Variants in UBE2E2 observed in about 807,000 individuals in gnomAD.
The protein encoded by UBE2E2 is ubiquitin-conjugating enzyme E2 E2.
A neutral mutation model predicts 24.7 loss-of-function variants in UBE2E2; 6 were observed. The observed-to-expected ratio is 0.24, with a 90% CI of 0.13 to 0.48. UBE2E2 has a LOEUF of 0.48. UBE2E2 is among the 20% of genes least tolerant of loss of function. The pLI, the probability that UBE2E2 is intolerant of heterozygous loss-of-function variation, is 0.99. For missense variants in UBE2E2, 169 were observed against 245.0 expected, an observed-to-expected ratio of 0.69 and a Z score of 2.07; for synonymous variants, 104 against 83.6, an observed-to-expected ratio of 1.24 and a Z score of -1.33.
At chr3:23,379,579 A>G (rs1182369381) in intron 3 of UBE2E2, among the ~76,000 whole-genome samples, 1 of 150,906 alleles carries the variant, frequency 6.6e-6, no homozygotes, top group Non-Finnish European at 1.5e-5. Flanking sequence ...TGAACTCATC[A>G]TTTTTTATGG....
intron 3 of UBE2E2, among the ~76,000 whole-genome samples, chr3:23,366,474 A>G (rs1696259612): frequency 6.6e-6 from 1 of 152,188 alleles, no homozygotes. Flanking sequence ...GCAGCCATTA[A>G]AAAAGAATGA....
chr3:23,310,049 C>T (rs1038574806), intron 3 of UBE2E2, among the ~76,000 whole-genome samples: 4 of 152,242 alleles, frequency 2.6e-5, no homozygotes, highest in African/African-American at 7.2e-5. Context: ...ATCACTAAGA[C>T]GGGCCCATGT....
chr3:23,496,428 C>T (rs1046284690), intron 3 of UBE2E2, among the ~76,000 whole-genome samples: 1 of 152,158 alleles, frequency 6.6e-6, no homozygotes, highest in African/African-American at 2.4e-5. Flanking sequence ...CAGGAAACCA[C>T]TCTTCTGAAC....
chr3:23,442,382 C>T (rs531282014), intron 3 of UBE2E2, among the ~76,000 whole-genome samples: 2 of 149,684 alleles, frequency 1.3e-5, no homozygotes, highest in South Asian at 4.1e-4. Context: ...TGTCTGGCTT[C>T]TTGTAAGAGA....
intron 3 of UBE2E2, among the ~76,000 whole-genome samples, chr3:23,402,954 G>C (rs1423608726): frequency 6.6e-6 from 1 of 152,130 alleles, no homozygotes; most frequent in African/African-American, 2.4e-5. Flanking sequence ...CATACCTTAA[G>C]CTTTATGGGC....
chr3:23,359,708 G>A (rs1271254711), intron 3 of UBE2E2, among the ~76,000 whole-genome samples: 1 of 151,916 alleles, frequency 6.6e-6, no homozygotes, highest in Non-Finnish European at 1.5e-5. Flanking sequence ...GCATGGAGGT[G>A]TTTTTATTTT....
intron 3 of UBE2E2, among the ~76,000 whole-genome samples, chr3:23,326,601 A>G (rs990165879): frequency 6.6e-6 from 1 of 152,234 alleles, no homozygotes; most frequent in African/African-American, 2.4e-5. Context: ...TACAAAAAAA[A>G]GTATGAGGTT....
At chr3:23,366,693 A>C (rs1037887202) in intron 3 of UBE2E2, among the ~76,000 whole-genome samples, 8 of 152,100 alleles carry the variant, frequency 5.3e-5, no homozygotes, top group African/African-American at 1.9e-4. Context: ...TGACAAAATA[A>C]TCTGTATACC....
At chr3:23,301,512 C>G (rs1398667044) in intron 3 of UBE2E2, among the ~76,000 whole-genome samples, 2 of 152,252 alleles carry the variant, frequency 1.3e-5, no homozygotes, top group Non-Finnish European at 2.9e-5. Context: ...TCAGGACCCT[C>G]AGCCGCAGGT....
chr3:23,491,643 G>T (rs1267850064), intron 3 of UBE2E2, among the ~76,000 whole-genome samples: 1 of 152,202 alleles, frequency 6.6e-6, no homozygotes, highest in Non-Finnish European at 1.5e-5. Flanking sequence ...GGCAAGGGAT[G>T]GGACCAGAAG....
intron 5 of UBE2E2, among the ~76,000 whole-genome samples, chr3:23,582,539 A>G (rs904731708): frequency 5.3e-5 from 8 of 152,172 alleles, no homozygotes; most frequent in African/African-American, 1.9e-4. Flanking sequence ...ATAAGCATTC[A>G]CTTTCTTCAT....
chr3:23,486,490 C>T (rs1039044566), intron 3 of UBE2E2, among the ~76,000 whole-genome samples: 3 of 152,160 alleles, frequency 2.0e-5, no homozygotes, highest in African/African-American at 7.2e-5. Context: ...CATGTTTTCT[C>T]GGGGTCATGT....
At chr3:23,248,573 T>A (rs1399212398) in intron 3 of UBE2E2, among the ~76,000 whole-genome samples, 1 of 152,270 alleles carries the variant, frequency 6.6e-6, no homozygotes, top group Non-Finnish European at 1.5e-5. Flanking sequence ...CATTTCACTT[T>A]AGTTAATTTC....
At chr3:23,336,452 C>T (rs1695213041) in intron 3 of UBE2E2, among the ~76,000 whole-genome samples, 1 of 152,174 alleles carries the variant, frequency 6.6e-6, no homozygotes, top group Non-Finnish European at 1.5e-5. Context: ...TCTTCAATCA[C>T]ATGATAGTAA....
At chr3:23,375,347 T>C (rs1008933139) in intron 3 of UBE2E2, among the ~76,000 whole-genome samples, 2 of 152,200 alleles carry the variant, frequency 1.3e-5, no homozygotes, top group African/African-American at 4.8e-5. Context: ...TAACTTACTA[T>C]GAGAATGCTA....
chr3:23,338,520 A>G (rs766232756), intron 3 of UBE2E2, among the ~76,000 whole-genome samples: 4 of 152,166 alleles, frequency 2.6e-5, no homozygotes, highest in Non-Finnish European at 5.9e-5. Flanking sequence ...GCTCCAGTCA[A>G]TACACCCAGT....
chr3:23,335,017 A>G (rs1269839534), intron 3 of UBE2E2, among the ~76,000 whole-genome samples: 2 of 152,216 alleles, frequency 1.3e-5, no homozygotes, highest in Admixed American at 6.5e-5. Flanking sequence ...GCTCTGGCAG[A>G]TATCACATTA....
chr3:23,300,569 A>G (rs1444123467), intron 3 of UBE2E2, among the ~76,000 whole-genome samples: 19 of 152,150 alleles, frequency 1.2e-4, no homozygotes. Context: ...ATATGAAATT[A>G]TGGGTTGAAA....
chr3:23,224,164 T>G (rs1464980574), intron 3 of UBE2E2, among the ~76,000 whole-genome samples: 1 of 149,234 alleles, frequency 6.7e-6, no homozygotes, highest in Non-Finnish European at 1.5e-5. Flanking sequence ...AGGTTTTTTT[T>G]TTTTTTTTTT....
Sources: gnomAD v4.1 joint callset for allele counts (sites outside exome capture counted in the v4.1 genomes callset) on GRCh38, gnomAD v4.1.1 for gene constraint, MANE v1.5 for transcripts, NCBI Gene and HGNC (gene_info 2026-07-23, HGNC 2026-07-21) for gene names.